The following BRD10 variants were observed in gnomAD, a reference collection of about 807,000 sequenced individuals.
BRD10 encodes bromodomain containing 10.
At chr9:6,006,705 T>C in the BRD10 span, among the ~76,000 whole-genome samples, 2 of 152,200 alleles carry the variant, frequency 1.3e-5, no homozygotes, top group Non-Finnish European at 2.9e-5. Flanking sequence ...TTAGTAACAC[T>C]CCATAAATCT....
the BRD10 span, among the ~76,000 whole-genome samples, chr9:5,934,771 G>C: frequency 0.038 from 5,739 of 152,164 alleles, 306 homozygotes; most frequent in South Asian, 0.13. Flanking sequence ...GACTGAGTTA[G>C]CTGGGCACTA....
At chr9:5,948,167 A>G in the BRD10 span, among the ~76,000 whole-genome samples, 1 of 152,206 alleles carries the variant, frequency 6.6e-6, no homozygotes, top group Non-Finnish European at 1.5e-5. Flanking sequence ...AAAATGTGTA[A>G]TTTGTCCAAG....
chr9:5,901,506 G>A, the BRD10 span, among the ~76,000 whole-genome samples: 1 of 152,124 alleles, frequency 6.6e-6, no homozygotes. Context: ...TGATGTATCA[G>A]AATAATTCAT....
the BRD10 span, chr9:5,921,791 C>T: frequency 6.2e-7 from 1 of 1,613,934 alleles, no homozygotes; most frequent in Non-Finnish European, 8.5e-7. Flanking sequence ...AGTACTAGAA[C>T]AAATAGAGGA....
At chr9:5,995,665 A>C in the BRD10 span, among the ~76,000 whole-genome samples, 1 of 152,178 alleles carries the variant, frequency 6.6e-6, no homozygotes, top group Non-Finnish European at 1.5e-5. Context: ...TTCTTATTTT[A>C]GTCAACCTTT....
At chr9:5,937,131 G>T in the BRD10 span, among the ~76,000 whole-genome samples, 2 of 151,666 alleles carry the variant, frequency 1.3e-5, no homozygotes, top group Non-Finnish European at 2.9e-5. Flanking sequence ...TCAGGAGGCT[G>T]AGGCAGGAGA....
At chr9:5,978,032 G>A in the BRD10 span, among the ~76,000 whole-genome samples, 1 of 152,074 alleles carries the variant, frequency 6.6e-6, no homozygotes, top group Non-Finnish European at 1.5e-5. Flanking sequence ...GCTGCCTAAG[G>A]ATATTTGCAA....
At chr9:5,993,496 G>A in the BRD10 span, among the ~76,000 whole-genome samples, 1 of 152,124 alleles carries the variant, frequency 6.6e-6, no homozygotes, top group Non-Finnish European at 1.5e-5. Flanking sequence ...AGGCAAGGTT[G>A]AGAGAAAATA....
chr9:6,000,039 A>G, the BRD10 span, among the ~76,000 whole-genome samples: 2 of 152,178 alleles, frequency 1.3e-5, no homozygotes, highest in Non-Finnish European at 2.9e-5. Context: ...TTTAATATAA[A>G]AGTAATATGC....
chr9:6,003,152 T>C, the BRD10 span, among the ~76,000 whole-genome samples: 1 of 152,214 alleles, frequency 6.6e-6, no homozygotes, highest in Non-Finnish European at 1.5e-5. Flanking sequence ...AACAAAGCTA[T>C]ACACAAGCTT....
chr9:5,895,946 G>A, the BRD10 span, among the ~76,000 whole-genome samples: 1 of 152,232 alleles, frequency 6.6e-6, no homozygotes, highest in African/African-American at 2.4e-5. Flanking sequence ...ACGCCACAGG[G>A]TAAAATGAGA....
the BRD10 span, among the ~76,000 whole-genome samples, chr9:5,996,011 A>G: frequency 6.6e-6 from 1 of 152,216 alleles, no homozygotes; most frequent in Non-Finnish European, 1.5e-5. Flanking sequence ...AAATATACTC[A>G]GTTTTTAACA....
the BRD10 span, among the ~76,000 whole-genome samples, chr9:6,001,002 A>G: frequency 6.6e-6 from 1 of 152,144 alleles, no homozygotes; most frequent in Non-Finnish European, 1.5e-5. Flanking sequence ...ATGCACTCTT[A>G]TAATTCTCAG....
the BRD10 span, among the ~76,000 whole-genome samples, chr9:5,989,646 C>T: frequency 1.1e-4 from 16 of 151,344 alleles, no homozygotes; most frequent in African/African-American, 3.6e-4. Flanking sequence ...CCTCCCACCT[C>T]AGCCTCCTCA....
chr9:5,982,637 C>A, the BRD10 span, among the ~76,000 whole-genome samples: 1 of 152,216 alleles, frequency 6.6e-6, no homozygotes, highest in African/African-American at 2.4e-5. Flanking sequence ...GATGTACTCC[C>A]TGACCTTGGA....
the BRD10 span, among the ~76,000 whole-genome samples, chr9:5,966,831 T>A: frequency 6.6e-6 from 1 of 152,236 alleles, no homozygotes; most frequent in East Asian, 1.9e-4. Context: ...GGATCGCTTA[T>A]AAAATTTACA....
At chr9:5,984,072 T>C in the BRD10 span, among the ~76,000 whole-genome samples, 3 of 150,260 alleles carry the variant, frequency 2.0e-5, no homozygotes, top group Non-Finnish European at 4.4e-5. Context: ...AACCTCAGAA[T>C]TCATTGTTGG....
At chr9:5,946,735 ATC>A in the BRD10 span, among the ~76,000 whole-genome samples, 1 of 152,084 alleles carries the variant, frequency 6.6e-6, no homozygotes, top group African/African-American at 2.4e-5. Context: ...TTTTACTTGC[ATC>A]TCAGTTGTCT....
At chr9:5,988,699 C>T in the BRD10 span, among the ~76,000 whole-genome samples, 1 of 151,980 alleles carries the variant, frequency 6.6e-6, no homozygotes, top group South Asian at 2.1e-4. Flanking sequence ...CCTCCCTACA[C>T]AATTTCTCAT....
Sources: allele counts gnomAD v4.1 joint callset (sites outside exome capture counted in the v4.1 genomes callset), GRCh38; gene constraint gnomAD v4.1.1; transcripts MANE v1.5; gene names NCBI Gene and HGNC (gene_info 2026-07-23, HGNC 2026-07-21).